The following ATP8A1 variants were observed in gnomAD, a reference collection of about 807,000 sequenced individuals.
ATP8A1 encodes ATPase phospholipid transporting 8A1, also known as phospholipid-transporting ATPase IA.
A neutral mutation model predicts 177.7 loss-of-function variants in ATP8A1; 90 were observed. That is an observed-to-expected ratio of 0.51 (90% CI 0.43 to 0.60). The LOEUF (loss-of-function observed/expected upper bound fraction) is 0.60. Ranked by LOEUF, ATP8A1 falls within the 20% of genes least tolerant of loss-of-function variation. The pLI, the probability that ATP8A1 is intolerant of heterozygous loss-of-function variation, is 0.00. For missense variants in ATP8A1, 1,072 were observed against 1,392.8 expected (o/e 0.77, Z 3.67); for synonymous variants, 493 against 485.9 (o/e 1.01, Z -0.19).
intron 20 of ATP8A1, among the ~76,000 whole-genome samples, chr4:42,532,118 A>C (rs927638946): frequency 3.3e-5 from 5 of 152,036 alleles, no homozygotes; most frequent in Admixed American, 6.6e-5. Context: ...ATACACACAC[A>C]CACAGACACA....
intron 2 of ATP8A1, 186 bp downstream of exon 2, chr4:42,626,809 A>G (rs1738150845): frequency 3.3e-6 from 2 of 608,630 alleles, no homozygotes; most frequent in African/African-American, 1.9e-5. Flanking sequence ...GCTCCTCGCT[A>G]TTTCCAGATT....
At chr4:42,450,701 A>G (rs2153177631) in intron 30 of ATP8A1, among the ~76,000 whole-genome samples, 1 of 152,086 alleles carries the variant, frequency 6.6e-6, no homozygotes, top group East Asian at 1.9e-4. Flanking sequence ...TGTAATACTC[A>G]CCTCGCTTAT....
At chr4:42,456,238 CAT>C (rs1416081794) in intron 27 of ATP8A1, among the ~76,000 whole-genome samples, 1 of 152,070 alleles carries the variant, frequency 6.6e-6, no homozygotes, top group Non-Finnish European at 1.5e-5. Context: ...CTATTTTGGA[CAT>C]TTAGCTGGCT....
chr4:42,613,853 G>T (rs569413548), intron 5 of ATP8A1, among the ~76,000 whole-genome samples: 3 of 151,662 alleles, frequency 2.0e-5, no homozygotes, highest in Non-Finnish European at 4.4e-5. Context: ...CAAAGGGCTG[G>T]AATTACAGGC....
intron 36 of ATP8A1, among the ~76,000 whole-genome samples, chr4:42,413,456 T>C (rs529757882): frequency 6.6e-6 from 1 of 152,196 alleles, no homozygotes; most frequent in Non-Finnish European, 1.5e-5. Flanking sequence ...CATCCCACCA[T>C]GTACGGTCCC....
chr4:42,600,977 T>C (rs2109399110), intron 5 of ATP8A1, among the ~76,000 whole-genome samples: 1 of 145,606 alleles, frequency 6.9e-6, no homozygotes, highest in African/African-American at 2.5e-5. Context: ...TACCTTTAGG[T>C]TTATATTAAT....
In ATP8A1 at chr4:42,559,561, T is replaced by C. The variant is rs114856539; in HGVS notation, c.1341-3521A>G. Among the ~76,000 whole-genome samples the C allele has an allele frequency of 9.3e-3, 1,417 of 152,318 alleles. 17 individuals carry two copies. Among genetic ancestry groups the C allele is most frequent in the African/African-American group, 0.032 (1,318 of 41,560 alleles). On this transcript the variant is annotated intron_variant, in intron 15 of 36. Coordinates refer to ENST00000381668, the MANE Select transcript of ATP8A1 (RefSeq NM_006095.2). ...TATACAAATTCTAAAAGAAAAGCAA[T>C]TGGGCAAAATTTAAAATTTAAAATA...
intron 25 of ATP8A1, among the ~76,000 whole-genome samples, chr4:42,480,934 CAGTCTAAAAGCTGGA>C (rs1278430655): frequency 4.6e-5 from 7 of 152,188 alleles, no homozygotes; most frequent in Non-Finnish European, 8.8e-5. Flanking sequence ...GATTACTAGA[CAGTCTAAAAGCTGGA>C]GGCTCTAAGC....
intron 1 of ATP8A1, among the ~76,000 whole-genome samples, chr4:42,648,831 G>A (rs1740811257): frequency 6.6e-6 from 1 of 152,054 alleles, no homozygotes; most frequent in Non-Finnish European, 1.5e-5. Context: ...ACCAAAATAT[G>A]TTAAACCTAA....
intron 1 of ATP8A1, among the ~76,000 whole-genome samples, chr4:42,654,180 C>T (rs1741394145): frequency 6.6e-6 from 1 of 152,200 alleles, no homozygotes; most frequent in South Asian, 2.1e-4. Context: ...ATGAAATGTT[C>T]ACTCAGCAGG....
chr4:42,493,956 C>G (rs969657891), intron 24 of ATP8A1, among the ~76,000 whole-genome samples: 1 of 152,032 alleles, frequency 6.6e-6, no homozygotes, highest in African/African-American at 2.4e-5. Context: ...AATCCCAATA[C>G]TTTGGGAGGC....
intron 19 of ATP8A1, among the ~76,000 whole-genome samples, chr4:42,547,656 A>G (rs757010565): frequency 6.6e-6 from 1 of 152,224 alleles, no homozygotes; most frequent in African/African-American, 2.4e-5. Context: ...CGAGGAGTGC[A>G]CTTTGAAAAT....
intron 20 of ATP8A1, among the ~76,000 whole-genome samples, chr4:42,527,624 A>G (rs997222570): frequency 2.0e-5 from 3 of 152,192 alleles, no homozygotes; most frequent in Non-Finnish European, 4.4e-5. Flanking sequence ...TTCTAGACCT[A>G]TAACTAGACT....
chr4:42,482,774 C>G (rs2153188563), intron 25 of ATP8A1, among the ~76,000 whole-genome samples: 1 of 152,254 alleles, frequency 6.6e-6, no homozygotes, highest in East Asian at 1.9e-4. Context: ...AAGGCTTTCC[C>G]CTCTACTTCC....
At chr4:42,447,362 T>C (rs1717394084) in intron 30 of ATP8A1, among the ~76,000 whole-genome samples, 1 of 152,088 alleles carries the variant, frequency 6.6e-6, no homozygotes. Context: ...TTGTTATTTT[T>C]AGTAGAGACG....
chr4:42,410,484 G>A lies in ATP8A1; in HGVS notation c.*2432C>T, dbSNP rs1712468776. On this transcript the variant is annotated 3_prime_UTR_variant, in exon 37 of 37. Coordinates refer to ENST00000381668, the MANE Select transcript of ATP8A1 (RefSeq NM_006095.2). ...TGTGACTTTTTTCCAGTTAAGGAAG[G>A]TTTAAAAAATCAGACTATTTTCTCT... 2.6e-5 allele frequency: 4 copies of A among 152,136 alleles called. No homozygotes were observed. The highest frequency in any genetic ancestry group is 1.3e-4 in the Admixed American group (2 of 15,274). 9.4% of individuals were successfully genotyped at this position (152,136 alleles called of 1,614,324 possible).
At chr4:42,624,655 AAG>A in intron 3 of ATP8A1, 21 bp from the exon 4 acceptor site, 1 of 1,210,656 alleles carries the variant, frequency 8.3e-7, no homozygotes. Context: ...AAAAAAAAAA[AAG>A]AGAAATCCAA....
intron 33 of ATP8A1, among the ~76,000 whole-genome samples, chr4:42,434,603 T>C (rs927480325): frequency 2.0e-5 from 3 of 152,218 alleles, no homozygotes; most frequent in Admixed American, 6.5e-5. Context: ...TGCAATCACT[T>C]TGGTCCTTGG....
At chr4:42,593,047 T>C (rs1279965704) in intron 6 of ATP8A1, among the ~76,000 whole-genome samples, 1 of 152,084 alleles carries the variant, frequency 6.6e-6, no homozygotes, top group Non-Finnish European at 1.5e-5. Flanking sequence ...TTGGGGAATA[T>C]TGGAATTTGA....
Sources: allele counts gnomAD v4.1 joint callset (sites outside exome capture counted in the v4.1 genomes callset), GRCh38; gene constraint gnomAD v4.1.1; transcripts MANE v1.5; gene names NCBI Gene and HGNC (gene_info 2026-07-23, HGNC 2026-07-21).